SMAP1: variants seen among roughly 807,000 people sequenced by gnomAD.
SMAP1 encodes the protein small ArfGAP 1.
Under a neutral mutation model 58.5 loss-of-function variants are expected in SMAP1, and 24 were observed. The observed-to-expected ratio is 0.41, with a 90% CI of 0.30 to 0.58. The LOEUF (loss-of-function observed/expected upper bound fraction) is 0.58. SMAP1 is among the 20% of genes least tolerant of loss of function. The pLI, the probability that SMAP1 is intolerant of heterozygous loss-of-function variation, is 0.29. For missense variants in SMAP1, 563 were observed against 566.3 expected (o/e 0.99, Z 0.06); for synonymous variants, 216 against 196.6 (o/e 1.10, Z -0.82).
chr6:70,822,225 G>C (rs767841055), intron 6 of SMAP1, among the ~76,000 whole-genome samples: 2 of 152,120 alleles, frequency 1.3e-5, no homozygotes, highest in Non-Finnish European at 2.9e-5. Context: ...GATTAGATGG[G>C]TCATTGAAGG....
At position 70,668,105 on chromosome 6, in the gene SMAP1, G is replaced by A. The variant is rs1463423841; in HGVS notation, c.82G>A (p.Glu28Lys). ...QLILSKLLRE[E>K]DNKYCADCEA... ...CATCCTATCCAAGCTTCTGAGGGAG[G>A]AGGACAACAAGTACTGCGCCGACTG... Residue 28 changes from glutamate (E) to lysine (K), a missense_variant, in exon 1 of 11, where the codon GAG (glutamate) becomes AAG (lysine). This residue lies in a region of SMAP1 where 52 missense variants were observed against 46.6 expected (regional missense o/e 1.11). Coordinates refer to ENST00000370455, the MANE Select transcript of SMAP1 (RefSeq NM_001044305.3). 3.7e-6 allele frequency: 6 copies of A among 1,603,698 alleles called. No individual in the cohort carries two copies. In the South Asian group the frequency reaches 5.6e-5, roughly 15 times the overall value.
chr6:70,712,918 A>T (rs1433858798), intron 1 of SMAP1, among the ~76,000 whole-genome samples: 3 of 149,992 alleles, frequency 2.0e-5, no homozygotes, highest in Non-Finnish European at 4.4e-5. Context: ...CAGCCTCCTG[A>T]GTAGCTGAGA....
chr6:70,680,719 T>G (rs1392104124), intron 1 of SMAP1, among the ~76,000 whole-genome samples: 5 of 139,830 alleles, frequency 3.6e-5, no homozygotes, highest in Admixed American at 2.2e-4. Flanking sequence ...CCTGTTTTTT[T>G]TTTTTTTTTT....
At chr6:70,820,297 T>C (rs368973858) in intron 6 of SMAP1, among the ~76,000 whole-genome samples, 13 of 152,300 alleles carry the variant, frequency 8.5e-5, no homozygotes, top group African/African-American at 3.1e-4. Flanking sequence ...CATTTTTCTA[T>C]AGGTAATAGT....
intron 1 of SMAP1, among the ~76,000 whole-genome samples, 154 bp from the exon 2 acceptor site, chr6:70,732,224 C>T (rs1211205998): frequency 3.3e-5 from 5 of 152,156 alleles, no homozygotes; most frequent in Non-Finnish European, 2.9e-5. Context: ...GTCTTCTTAG[C>T]AGACTGCCGC....
At chr6:70,843,493 A>C (rs1325435553) in intron 7 of SMAP1, among the ~76,000 whole-genome samples, 1 of 152,224 alleles carries the variant, frequency 6.6e-6, no homozygotes, top group East Asian at 1.9e-4. Flanking sequence ...ACTGAGGCAC[A>C]GAGAGGTTAA....
intron 1 of SMAP1, among the ~76,000 whole-genome samples, chr6:70,673,121 G>T (rs1766336493): frequency 6.6e-6 from 1 of 152,172 alleles, no homozygotes; most frequent in African/African-American, 2.4e-5. Flanking sequence ...ATCCACTGTA[G>T]CTATTTTCAG....
intron 6 of SMAP1, among the ~76,000 whole-genome samples, chr6:70,803,299 C>T (rs887242616): frequency 7.9e-5 from 12 of 152,024 alleles, no homozygotes; most frequent in African/African-American, 2.4e-5. Context: ...AGGTGTTTGT[C>T]GTATTCTCTG....
intron 1 of SMAP1, among the ~76,000 whole-genome samples, chr6:70,678,433 C>T (rs1396454262): frequency 6.6e-6 from 1 of 152,180 alleles, no homozygotes; most frequent in Non-Finnish European, 1.5e-5. Flanking sequence ...TTATTTAGTT[C>T]ATGCATTTCT....
intron 2 of SMAP1, among the ~76,000 whole-genome samples, chr6:70,747,982 A>G (rs541803082): frequency 6.6e-6 from 1 of 152,198 alleles, no homozygotes; most frequent in Admixed American, 6.5e-5. Context: ...AACAGAGAAC[A>G]GCTTCCCCTA....
rs767296280 is a variant in SMAP1 at position 70,861,612 on chromosome 6, CT to C, written c.*1280del. The C allele has an allele frequency of 5.8e-6, 9 of 1,539,406 alleles. No individual in the cohort carries two copies. The East Asian group carries it at 1.8e-4, about 31-fold the overall frequency. On this transcript the variant is annotated 3_prime_UTR_variant, in exon 11 of 11. Coordinates refer to ENST00000370455, the MANE Select transcript of SMAP1 (RefSeq NM_001044305.3). ...CTGTAGCCTAAACTCCAAACATCCT[CT>C]TCCATATGGATCCACTGGCTGGACA...
At chr6:70,719,650 A>T (rs1300546551) in intron 1 of SMAP1, among the ~76,000 whole-genome samples, 1 of 152,124 alleles carries the variant, frequency 6.6e-6, no homozygotes, top group African/African-American at 2.4e-5. Flanking sequence ...GTTTAACTGG[A>T]CTTACAGTTC....
In SMAP1 at chr6:70,809,117, A is replaced by G. The variant is rs571668684; in HGVS notation, c.576+10380A>G. Among the ~76,000 whole-genome samples, 3 of 152,336 alleles carry G rather than the reference A, an allele frequency of 2.0e-5. No individual in the cohort carries two copies. The East Asian group carries it at 5.8e-4, about 29-fold the overall frequency. On this transcript the variant is annotated intron_variant, in intron 6 of 10. Coordinates refer to ENST00000370455, the MANE Select transcript of SMAP1 (RefSeq NM_001044305.3). The stretch of plus-strand genomic sequence containing the variant: ...TCTTGACGTTTTTAAGAGAAAATCA[A>G]TTCACAAAGTATATAAAAGTAGAAT...
At chr6:70,720,689 A>T (rs1453009774) in intron 1 of SMAP1, among the ~76,000 whole-genome samples, 1 of 152,230 alleles carries the variant, frequency 6.6e-6, no homozygotes, top group Non-Finnish European at 1.5e-5. Context: ...GTTTCCCTGC[A>T]GGCTTAACAC....
At position 70,791,643 on chromosome 6, in the gene SMAP1, C is replaced by T. The variant is rs770810174; in HGVS notation, c.415-46C>T. 85 of 1,509,224 alleles carry T rather than the reference C, an allele frequency of 5.6e-5. No individual in the cohort carries two copies. The Admixed American group carries it at 5.9e-4, about 10-fold the overall frequency. The allele number at this position is 1,509,224 out of a possible 1,614,324, so 93.5% of individuals were successfully genotyped here. A position where few individuals can be genotyped will look rare whatever the true frequency, so the allele number is the denominator to read the frequency against. On this transcript the variant is annotated intron_variant, in intron 4 of 10. Coordinates refer to ENST00000370455, the MANE Select transcript of SMAP1 (RefSeq NM_001044305.3). ...TCCTGTGCCTGTCAATTCTCATTAC[C>T]TTCTTTTTGTTTTTTTCCTCCTGAC...
chr6:70,787,176 C>G (rs997832623), intron 4 of SMAP1, among the ~76,000 whole-genome samples: 1 of 152,130 alleles, frequency 6.6e-6, no homozygotes, highest in Non-Finnish European at 1.5e-5. Flanking sequence ...CTTTGACAAA[C>G]CTGACAAAAG....
intron 4 of SMAP1, among the ~76,000 whole-genome samples, chr6:70,778,070 T>A (rs943435557): frequency 6.6e-6 from 1 of 152,142 alleles, no homozygotes; most frequent in Non-Finnish European, 1.5e-5. Context: ...AATCTATTTT[T>A]AATAATTTTT....
chr6:70,693,062 C>T (rs550649837), intron 1 of SMAP1, among the ~76,000 whole-genome samples: 7 of 152,140 alleles, frequency 4.6e-5, no homozygotes, highest in Non-Finnish European at 8.8e-5. Context: ...GGATTACAGG[C>T]GTGAGCCACT....
chr6:70,709,360 A>T (rs1160635345), intron 1 of SMAP1, among the ~76,000 whole-genome samples: 1 of 151,770 alleles, frequency 6.6e-6, no homozygotes, highest in African/African-American at 2.4e-5. Context: ...TTCTTTTGAG[A>T]CAGGCTCTCG....
Sources: allele counts gnomAD v4.1 joint callset (sites outside exome capture counted in the v4.1 genomes callset), GRCh38; gene constraint gnomAD v4.1.1; regional missense constraint gnomAD v4.1.1; transcripts MANE v1.5; gene names NCBI Gene and HGNC (gene_info 2026-07-23, HGNC 2026-07-21).